Variants in DOCK7 observed in about 807,000 individuals in gnomAD.
DOCK7 encodes the protein dedicator of cytokinesis protein 7.
DOCK7 carries 138 observed loss-of-function variants against 271.0 expected under a neutral mutation model. The observed-to-expected ratio is 0.51, with a 90% CI of 0.44 to 0.59. The LOEUF (loss-of-function observed/expected upper bound fraction) is 0.59, where lower values mean the gene tolerates loss of function less well. Among genes scored for constraint, DOCK7 ranks in the 20% least tolerant of loss-of-function variants. DOCK7 has a pLI of 0.00. For synonymous variants in DOCK7, 823 were observed against 876.1 expected, an observed-to-expected ratio of 0.94 and a Z score of 1.07; for missense variants, 2,066 against 2,592.4, an observed-to-expected ratio of 0.80 and a Z score of 4.41.
In DOCK7 at chr1:62,663,000, ACTATAT is replaced by A. The variant is rs1557876032; in HGVS notation, c.144+19_144+24del. On this transcript the variant is annotated intron_variant, in intron 2 of 49. Transcript: ENST00000635253. ...CTAGTCAATCATACACCAAGAAGAG[ACTATAT>A]TTTGAATACGTTACTTACTGTGGTG... is the stretch of plus-strand genomic sequence containing the variant. 6.4e-7 allele frequency: 1 copy of A among 1,558,326 alleles called. No individual in the cohort carries two copies. Among genetic ancestry groups the A allele is most frequent in the East Asian group, 2.2e-5 (1 of 44,568 alleles).
intron 14 of DOCK7, among the ~76,000 whole-genome samples, chr1:62,617,956 T>C (rs1652664603): frequency 6.6e-6 from 1 of 151,976 alleles, no homozygotes; most frequent in Non-Finnish European, 1.5e-5. Flanking sequence ...TCCAAAAATT[T>C]TGTCCTCAGG....
At chr1:62,584,798 T>C in intron 15 of DOCK7, 1 of 744,664 alleles carries the variant, frequency 1.3e-6, no homozygotes, top group Non-Finnish European at 2.4e-6. Flanking sequence ...TAAAGTCCCA[T>C]GAAAGAAGTG....
chr1:62,524,896 C>T (rs1203447274), intron 31 of DOCK7, among the ~76,000 whole-genome samples: 10 of 126,850 alleles, frequency 7.9e-5, no homozygotes, highest in South Asian at 2.8e-4. Flanking sequence ...TGCAGGGCTC[C>T]GTCTCAAAAA....
chr1:62,667,931 A>G (rs1376501928), intron 1 of DOCK7, among the ~76,000 whole-genome samples: 1 of 152,118 alleles, frequency 6.6e-6, no homozygotes, highest in African/African-American at 2.4e-5. Flanking sequence ...GAGGCAGGGG[A>G]ATTGCTTGAA....
At chr1:62,581,793 C>T (rs1487564999) in intron 16 of DOCK7, among the ~76,000 whole-genome samples, 3 of 151,130 alleles carry the variant, frequency 2.0e-5, no homozygotes, top group Non-Finnish European at 2.9e-5. Context: ...AAGCTCAAGA[C>T]AAGGCCACAA....
At chr1:62,543,151 C>CT (rs1553166227) in intron 24 of DOCK7, 3,599 of 104,660 alleles carry the variant, frequency 0.034, 151 homozygotes, top group East Asian at 0.11. Flanking sequence ...CAGGTAAGGT[C>CT]TTTTTAAAAA....
At chr1:62,571,439 T>G (rs1257581705) in intron 18 of DOCK7, among the ~76,000 whole-genome samples, 1 of 152,138 alleles carries the variant, frequency 6.6e-6, no homozygotes, top group East Asian at 1.9e-4. Context: ...TAGGAACACT[T>G]TTACACTGTT....
intron 1 of DOCK7, 76 bp from the exon 2 acceptor site, chr1:62,663,206 T>G: frequency 1.9e-6 from 2 of 1,054,780 alleles, no homozygotes; most frequent in Non-Finnish European, 2.8e-6. Context: ...GGAGGGAAGC[T>G]AAATACATTA....
chr1:62,644,990 T>C (rs2149670588), intron 7 of DOCK7, among the ~76,000 whole-genome samples: 1 of 152,246 alleles, frequency 6.6e-6, no homozygotes, highest in East Asian at 1.9e-4. Context: ...TAAGTAAAGC[T>C]ACAATGACAC....
Position 62,535,536 on chromosome 1 carries a change from C to A in DOCK7, c.3568G>T (p.Val1190Leu). 6.2e-7 allele frequency: 1 copy of A among 1,614,070 alleles called. No individual in the cohort carries two copies. The highest frequency in any genetic ancestry group is 8.5e-7 in the Non-Finnish European group (1 of 1,179,986). Residue 1190 changes from valine to leucine, a missense_variant, in exon 29 of 50, where the codon GTG becomes TTG. Coordinates refer to ENST00000635253, the MANE Select transcript of DOCK7 (RefSeq NM_001367561.1). Reference sequence around the variant, plus strand: ...AAAATGACAGCCAGCTCTGTTAACACAAGTCCTGCCAAATAATGCTGTTGG... The same window carrying A: ...AAAATGACAGCCAGCTCTGTTAACAAAAGTCCTGCCAAATAATGCTGTTGG... The part of the protein sequence containing the change: ...FRQQHYLAGL[V>L]LTELAVILDP...
At chr1:62,633,363 T>G (rs1654863465) in intron 10 of DOCK7, 135 bp downstream of exon 10, 2 of 659,108 alleles carry the variant, frequency 3.0e-6, no homozygotes, top group Admixed American at 5.4e-5. Flanking sequence ...ATAGTACTAG[T>G]AAAATTCCTT....
intron 1 of DOCK7, among the ~76,000 whole-genome samples, chr1:62,668,138 T>C (rs1231590749): frequency 3.3e-5 from 5 of 152,188 alleles, no homozygotes; most frequent in Admixed American, 1.3e-4. Flanking sequence ...CTGAATCGAA[T>C]CAAACCTTTA....
intron 14 of DOCK7, among the ~76,000 whole-genome samples, chr1:62,600,048 T>C (rs1649882580): frequency 6.6e-6 from 1 of 151,996 alleles, no homozygotes; most frequent in African/African-American, 2.4e-5. Flanking sequence ...TTAGTAGTGC[T>C]GCTAAAAGGT....
intron 47 of DOCK7, among the ~76,000 whole-genome samples, chr1:62,474,647 A>G (rs2149257661): frequency 6.6e-6 from 1 of 152,310 alleles, no homozygotes; most frequent in South Asian, 2.1e-4. Context: ...TTTAATCTGA[A>G]AAGTAGTTAA....
At chr1:62,657,338 C>T (rs748105013) in intron 2 of DOCK7, among the ~76,000 whole-genome samples, 17 of 152,232 alleles carry the variant, frequency 1.1e-4, no homozygotes, top group South Asian at 6.2e-4. Flanking sequence ...TCCTTGTGTA[C>T]CAAAAGAAGA....
chr1:62,513,616 A>G lies in DOCK7; in HGVS notation c.4120-10T>C. 1.2e-6 allele frequency: 2 copies of G among 1,610,384 alleles called. No homozygotes were observed. The highest frequency in any genetic ancestry group is 1.7e-6 in the Non-Finnish European group (2 of 1,179,054). On this transcript the variant is annotated splice_polypyrimidine_tract_variant and intron_variant, in intron 32 of 49. Coordinates refer to ENST00000635253, the MANE Select transcript of DOCK7 (RefSeq NM_001367561.1). ...CAAACACTTTTTTCCCCTAAAATGTAAACATTAGAAGAGAAGAGGTATTGA... is the reference window on the plus strand; with the variant it reads ...CAAACACTTTTTTCCCCTAAAATGTGAACATTAGAAGAGAAGAGGTATTGA...
intron 23 of DOCK7, among the ~76,000 whole-genome samples, chr1:62,544,091 T>C (rs1645623530): frequency 6.6e-6 from 1 of 152,124 alleles, no homozygotes; most frequent in East Asian, 1.9e-4. Flanking sequence ...ACTTCTCAAC[T>C]GGTCTCAGAC....
intron 1 of DOCK7, among the ~76,000 whole-genome samples, chr1:62,665,241 G>C (rs1240059800): frequency 6.6e-6 from 1 of 151,938 alleles, no homozygotes. Flanking sequence ...CACCCACCTT[G>C]GTCTCCCAAA....
intron 48 of DOCK7, among the ~76,000 whole-genome samples, chr1:62,470,785 C>T (rs1174734153): frequency 4.6e-5 from 7 of 152,132 alleles, no homozygotes; most frequent in Middle Eastern, 6.8e-3. Context: ...AGCGAGACTC[C>T]GTCTCAAACA....
Sources: gnomAD v4.1 joint callset for allele counts (sites outside exome capture counted in the v4.1 genomes callset) on GRCh38, gnomAD v4.1.1 for gene constraint, MANE v1.5 for transcripts, NCBI Gene and HGNC (gene_info 2026-07-23, HGNC 2026-07-21) for gene names.